Variants in VPS13C observed in about 807,000 individuals in gnomAD.
VPS13C encodes vacuolar protein sorting 13 homolog C.
In VPS13C, 358 loss-of-function variants were observed where a neutral mutation model predicts 456.8. The ratio of observed to expected loss-of-function variants is 0.78; its 90% CI spans 0.72 to 0.86. VPS13C has a LOEUF of 0.86. VPS13C is among the 40% of genes least tolerant of loss of function. The pLI is 0.00. For missense variants in VPS13C, 4,818 were observed against 4,385.4 expected (o/e 1.10, Z -2.79); for synonymous variants, 1,578 against 1,486.7 (o/e 1.06, Z -1.41).
intron 66 of VPS13C, among the ~76,000 whole-genome samples, chr15:61,902,334 C>G (rs1437663276): frequency 1.8e-5 from 2 of 113,888 alleles, no homozygotes; most frequent in Admixed American, 1.0e-4. Context: ...CCATTCTACT[C>G]CAACTCTTCA....
intron 27 of VPS13C, among the ~76,000 whole-genome samples, chr15:61,972,415 G>GT (rs1054727667): frequency 1.3e-5 from 2 of 152,076 alleles, no homozygotes; most frequent in Middle Eastern, 3.2e-3. Flanking sequence ...TCTTACATCA[G>GT]TTTTTTTAAA....
chr15:61,918,373 A>G, intron 58 of VPS13C, 116 bp from the exon 59 acceptor site: 6 of 993,556 alleles, frequency 6.0e-6, no homozygotes, highest in Non-Finnish European at 8.4e-6. Flanking sequence ...GTATTGGAAG[A>G]TATTTTTATT....
intron 79 of VPS13C, among the ~76,000 whole-genome samples, chr15:61,870,030 CT>C (rs1459472809): frequency 6.6e-6 from 1 of 152,062 alleles, no homozygotes; most frequent in Non-Finnish European, 1.5e-5. Flanking sequence ...AAGGAGTGTG[CT>C]TTTAAAAAAA....
At chr15:61,926,128 G>T (rs2043839223) in intron 52 of VPS13C, among the ~76,000 whole-genome samples, 1 of 152,174 alleles carries the variant, frequency 6.6e-6, no homozygotes, top group Admixed American at 6.5e-5. Flanking sequence ...GCCAGGTATG[G>T]TAGTGCATAC....
At chr15:61,874,826 T>A in intron 77 of VPS13C, 50 bp downstream of exon 77, 1 of 1,461,264 alleles carries the variant, frequency 6.8e-7, no homozygotes, top group East Asian at 2.4e-5. Context: ...ACGTATTTCA[T>A]AACAATATAA....
chr15:62,009,091 T>C (rs1242322677), intron 13 of VPS13C, among the ~76,000 whole-genome samples: 2 of 152,172 alleles, frequency 1.3e-5, no homozygotes, highest in African/African-American at 4.8e-5. Context: ...AATGAACATC[T>C]TAGAAACAAT....
Position 62,034,972 on chromosome 15 carries a change from C to T in VPS13C, c.268G>A (p.Val90Ile), listed in dbSNP as rs909398641. 27 of 1,592,958 alleles carry T rather than the reference C, an allele frequency of 1.7e-5. No individual in the cohort carries two copies. The highest frequency in any genetic ancestry group is 3.4e-6 in the Non-Finnish European group (4 of 1,168,666). Residue 90 changes from valine to isoleucine, a missense_variant, in exon 4 of 85, where the codon GTT becomes ATT. Val to Ile is a conservative substitution (Grantham distance 29). Transcript: ENST00000644861. ...VATLEGLYLL[V>I]VPGASIKYDA... The stretch of plus-strand genomic sequence containing the variant: ...AATAACATACTTGCTCCAGGGACAA[C>T]AAGCAGGTATAATCCTTCCAGGGTC...
intron 65 of VPS13C, among the ~76,000 whole-genome samples, chr15:61,907,753 C>T (rs2043191404): frequency 6.6e-6 from 1 of 152,110 alleles, no homozygotes; most frequent in Admixed American, 6.5e-5. Flanking sequence ...TAAATTTAAA[C>T]ATATTTTTTA....
In VPS13C at chr15:61,955,844, A is replaced by G. The variant is rs567445732; in HGVS notation, c.4166-1290T>C. Among the ~76,000 whole-genome samples the G allele has an allele frequency of 2.0e-5, 3 of 152,298 alleles. No homozygotes were observed. In the South Asian group the frequency reaches 6.2e-4, roughly 32 times the overall value. ...ATAACAGATGTTGGCCAGGTTGTAG[A>G]AAAAAGGGAATACTTATACACTGTA... On this transcript the variant is annotated intron_variant, in intron 37 of 84. Transcript: ENST00000644861.
At chr15:62,035,084 T>C (rs765562350) in intron 3 of VPS13C, 32 bp from the exon 4 acceptor site, 1 of 1,495,046 alleles carries the variant, frequency 6.7e-7, no homozygotes, top group Non-Finnish European at 9.2e-7. Flanking sequence ...CTTAAATTAT[T>C]ATTTGACTGC....
At chr15:61,932,701 A>G (rs1395570326) in intron 49 of VPS13C, among the ~76,000 whole-genome samples, 1 of 152,176 alleles carries the variant, frequency 6.6e-6, no homozygotes, top group East Asian at 1.9e-4. Context: ...TGTTGATGCA[A>G]TTGGGTCAGA....
At position 61,873,372 on chromosome 15, in the gene VPS13C, A is replaced by G; in HGVS notation, c.10452T>C (p.Ser3484=). The change falls in exon 78 of 85, where the codon TCT becomes TCC. Residue 3484 remains serine (S), a synonymous_variant. Transcript: ENST00000644861. ...AAGVVSRITG[S]VGKGLAAITM... is the part of the protein sequence containing the mutation. ...TAATTGCTGCCAAACCTTTCCCAAC[A>G]GAACCGGTGATTCGAGATACAACTC... 1.2e-6 allele frequency: 2 copies of G among 1,613,770 alleles called. No individual in the cohort carries two copies. Among genetic ancestry groups the G allele is most frequent in the Admixed American group, 1.7e-5 (1 of 59,982 alleles).
intron 42 of VPS13C, among the ~76,000 whole-genome samples, 182 bp downstream of exon 42, chr15:61,949,260 AT>A (rs1488452898): frequency 6.6e-6 from 1 of 152,216 alleles, no homozygotes; most frequent in Non-Finnish European, 1.5e-5. Flanking sequence ...AACAACATCT[AT>A]TTAAAATTCC....
intron 24 of VPS13C, among the ~76,000 whole-genome samples, chr15:61,975,882 T>A (rs113472263): frequency 4.4e-4 from 67 of 152,122 alleles, no homozygotes; most frequent in Non-Finnish European, 6.6e-4. Flanking sequence ...AAATAATACA[T>A]ATGGGTTGAG....
chr15:61,973,368 A>G (rs1596404596), intron 26 of VPS13C, 86 bp downstream of exon 26: 1 of 1,112,378 alleles, frequency 9.0e-7, no homozygotes, highest in East Asian at 2.4e-5. Flanking sequence ...GCACTTTCAG[A>G]CTGCCCTTAT....
intron 66 of VPS13C, among the ~76,000 whole-genome samples, chr15:61,897,221 C>A (rs2042851681): frequency 6.6e-6 from 1 of 152,340 alleles, no homozygotes; most frequent in African/African-American, 2.4e-5. Context: ...GAATGCAGTT[C>A]CTCACCAGCA....
At chr15:61,881,907 G>A in intron 69 of VPS13C, 79 bp from the exon 70 acceptor site, 1 of 1,243,016 alleles carries the variant, frequency 8.0e-7, no homozygotes, top group Non-Finnish European at 1.1e-6. Context: ...TATAGAAGAG[G>A]CCACCACTTT....
At chr15:61,937,229 C>T (rs183616813) in intron 47 of VPS13C, among the ~76,000 whole-genome samples, 2 of 152,298 alleles carry the variant, frequency 1.3e-5, no homozygotes, top group Admixed American at 1.3e-4. Flanking sequence ...TGCATCTGGA[C>T]ATACATAAAA....
chr15:61,974,212 T>C, intron 25 of VPS13C, 76 bp downstream of exon 25: 1 of 1,405,698 alleles, frequency 7.1e-7, no homozygotes, highest in Non-Finnish European at 9.4e-7. Flanking sequence ...CTTATAAACC[T>C]TGCCCTGAAA....
Sources: allele counts gnomAD v4.1 joint callset (sites outside exome capture counted in the v4.1 genomes callset), GRCh38; gene constraint gnomAD v4.1.1; transcripts MANE v1.5; gene names NCBI Gene and HGNC (gene_info 2026-07-23, HGNC 2026-07-21).